ETHE1: variants seen among roughly 807,000 people sequenced by gnomAD.
ETHE1 encodes persulfide dioxygenase ETHE1, mitochondrial.
Under a neutral mutation model 25.7 loss-of-function variants are expected in ETHE1, and 16 were observed. The observed-to-expected ratio is 0.62, with a 90% confidence interval of 0.42 to 0.95. ETHE1 has a LOEUF of 0.95. ETHE1 is among the 40% of genes least tolerant of loss of function. The pLI is 0.00. For missense variants in ETHE1, 300 were observed against 333.6 expected (o/e 0.90, Z 0.79); for synonymous variants, 139 against 135.9 (o/e 1.02, Z -0.16).
intron 3 of ETHE1, among the ~76,000 whole-genome samples, chr19:43,515,749 A>G (rs1451595464): frequency 6.6e-6 from 1 of 151,840 alleles, no homozygotes; most frequent in Admixed American, 6.6e-5. Context: ...TAATTTTTGT[A>G]TTTTTTAGTA....
chr19:43,517,955 A>AAC (rs946107349), intron 3 of ETHE1, among the ~76,000 whole-genome samples: 1 of 151,784 alleles, frequency 6.6e-6, no homozygotes, highest in African/African-American at 2.4e-5. Flanking sequence ...GTCTCAAAAA[A>AAC]AAAAAACAAA....
At chr19:43,521,525 T>A (rs2146007180) in intron 3 of ETHE1, among the ~76,000 whole-genome samples, 1 of 151,932 alleles carries the variant, frequency 6.6e-6, no homozygotes, top group East Asian at 1.9e-4. Flanking sequence ...AGCTAATCCT[T>A]GAAACAGCCT....
At chr19:43,508,413 T>A (rs1426462624) in intron 5 of ETHE1, among the ~76,000 whole-genome samples, 1 of 143,788 alleles carries the variant, frequency 7.0e-6, no homozygotes, top group Non-Finnish European at 1.5e-5. Flanking sequence ...AGTGGTACAA[T>A]CATAGCTCAC....
At chr19:43,508,983 G>T in intron 4 of ETHE1, 119 bp from the exon 5 acceptor site, 2 of 780,746 alleles carry the variant, frequency 2.6e-6, no homozygotes, top group Non-Finnish European at 4.5e-6. Context: ...TTCGTGTCCT[G>T]CCAATATCCC....
rs1298577633 is a variant in ETHE1, at chr19:43,521,513, C to A, written c.375+4688G>T. ...TCTGGGTTGGAGATCCTGAAGGCAG[C>A]CAGCTAATCCTTGAAACAGCCTCAA... On this transcript the variant is annotated intron_variant, in intron 3 of 6. Coordinates refer to ENST00000292147, the MANE Select transcript of ETHE1 (RefSeq NM_014297.5). Among the ~76,000 whole-genome samples the A allele has an allele frequency of 2.0e-5, 3 of 151,860 alleles. No homozygotes were observed. In the East Asian group the frequency reaches 5.8e-4, roughly 29 times the overall value.
chr19:43,526,381 G>A lies in ETHE1; in HGVS notation c.227-32C>T, dbSNP rs562593374. The A allele has an allele frequency of 7.4e-6, 12 of 1,613,744 alleles. No homozygotes were observed. In the South Asian group the frequency reaches 9.9e-5, roughly 13 times the overall value. Reference sequence around the variant, plus strand: ...GAGAGAGGAGGGACAGGTCCGGAGGGTACAGAAAGGACCTGGGAGTCCCAG... The same window carrying A: ...GAGAGAGGAGGGACAGGTCCGGAGGATACAGAAAGGACCTGGGAGTCCCAG... On this transcript the variant is annotated intron_variant, in intron 2 of 6. Coordinates refer to ENST00000292147, the MANE Select transcript of ETHE1 (RefSeq NM_014297.5).
rs748814160 is a variant in ETHE1, at chr19:43,526,201, G to A, written c.375C>T (p.Phe125=). 9 of 1,614,068 alleles carry A rather than the reference G, an allele frequency of 5.6e-6. No homozygotes were observed. In the Admixed American group the frequency reaches 6.7e-5, roughly 12 times the overall value. ...CTTGGGGACCCAGCACCCAACTCAC[G>A]AAGCGCCCGAAGCGGATGGAGTCTC... ...EDGDSIRFGR[F]ALETRASPGH... is the part of the protein sequence containing the mutation. The change falls in exon 3 of 7, where the codon TTC becomes TTT. Residue 125 remains phenylalanine, a splice_region_variant and synonymous_variant. Transcript: ENST00000292147.
At chr19:43,519,985 G>A (rs930565326) in intron 3 of ETHE1, among the ~76,000 whole-genome samples, 2 of 150,516 alleles carry the variant, frequency 1.3e-5, no homozygotes, top group South Asian at 2.1e-4. Flanking sequence ...AGGCTGAGGC[G>A]GGAGGATCAC....
At chr19:43,521,166 T>C (rs894769199) in intron 3 of ETHE1, among the ~76,000 whole-genome samples, 1 of 151,964 alleles carries the variant, frequency 6.6e-6, no homozygotes, top group African/African-American at 2.4e-5. Flanking sequence ...ACCCCATCTC[T>C]AATAAAAACA....
At chr19:43,522,440 A>G (rs1600012283) in intron 3 of ETHE1, among the ~76,000 whole-genome samples, 2 of 152,332 alleles carry the variant, frequency 1.3e-5, no homozygotes, top group East Asian at 3.9e-4. Context: ...AATTTAAAAA[A>G]AAACCTATAT....
At chr19:43,524,227 A>G (rs1420282576) in intron 3 of ETHE1, among the ~76,000 whole-genome samples, 1 of 151,950 alleles carries the variant, frequency 6.6e-6, no homozygotes, top group Non-Finnish European at 1.5e-5. Flanking sequence ...AATAAATAAA[A>G]CAAAAAAATT....
intron 6 of ETHE1, among the ~76,000 whole-genome samples, chr19:43,507,237 T>C (rs12977609): frequency 9.7e-5 from 3 of 31,000 alleles, no homozygotes; most frequent in Non-Finnish European, 1.8e-4. Context: ...AGGAGTCCAG[T>C]CCCCCAGCCC....
intron 3 of ETHE1, among the ~76,000 whole-genome samples, chr19:43,516,711 G>A (rs554542428): frequency 4.3e-5 from 6 of 140,734 alleles, no homozygotes; most frequent in African/African-American, 1.3e-4. Context: ...CTGCAACCTC[G>A]GCCTCCTGGG....
chr19:43,525,154 GAA>G (rs71890992), intron 3 of ETHE1, among the ~76,000 whole-genome samples: 14 of 134,094 alleles, frequency 1.0e-4, no homozygotes, highest in African/African-American at 3.3e-4. Flanking sequence ...AAGAAAGAAA[GAA>G]AAAAAAAAAA....
At chr19:43,519,264 G>A (rs1472698464) in intron 3 of ETHE1, among the ~76,000 whole-genome samples, 1 of 151,940 alleles carries the variant, frequency 6.6e-6, no homozygotes, top group Non-Finnish European at 1.5e-5. Context: ...CGCACACCTC[G>A]GCTTCCCAAA....
At chr19:43,510,392 G>A (rs2145982371) in intron 4 of ETHE1, among the ~76,000 whole-genome samples, 1 of 146,226 alleles carries the variant, frequency 6.8e-6, no homozygotes, top group Non-Finnish European at 1.5e-5. Context: ...CTGGAGTGCA[G>A]TGGCGCAATC....
chr19:43,514,311 G>A (rs1203884018), intron 3 of ETHE1, among the ~76,000 whole-genome samples: 1 of 152,014 alleles, frequency 6.6e-6, no homozygotes, highest in Non-Finnish European at 1.5e-5. Context: ...CACAAGATCT[G>A]ATGATCTTAC....
intron 3 of ETHE1, among the ~76,000 whole-genome samples, chr19:43,523,910 T>G (rs1406324535): frequency 6.6e-6 from 1 of 151,964 alleles, no homozygotes; most frequent in Admixed American, 6.6e-5. Flanking sequence ...CACTCCAGCC[T>G]GGGTGACAGA....
chr19:43,507,435 AG>A (rs1971804445), intron 6 of ETHE1, among the ~76,000 whole-genome samples: 1 of 58,578 alleles, frequency 1.7e-5, no homozygotes, highest in Admixed American at 2.2e-4. Flanking sequence ...CCAGGAGCCC[AG>A]GTCCCCAGTC....
Sources: allele counts gnomAD v4.1 joint callset (sites outside exome capture counted in the v4.1 genomes callset), GRCh38; gene constraint gnomAD v4.1.1; transcripts MANE v1.5; gene names NCBI Gene and HGNC (gene_info 2026-07-23, HGNC 2026-07-21).